The following ZNF423 variants were observed in gnomAD, a reference collection of about 807,000 sequenced individuals.
ZNF423 encodes Ebf-associated zinc finger protein.
Under a neutral mutation model 95.8 loss-of-function variants are expected in ZNF423, and 12 were observed. That is an observed-to-expected ratio of 0.13 (90% CI 0.08 to 0.20). The LOEUF is 0.20. Ranked by LOEUF, ZNF423 falls within the 10% of genes least tolerant of loss-of-function variation. ZNF423 has a pLI of 1.00. For synonymous variants in ZNF423, 749 were observed against 711.9 expected, an observed-to-expected ratio of 1.05 and a Z score of -0.83; for missense variants, 1,316 against 1,737.1, an observed-to-expected ratio of 0.76 and a Z score of 4.31.
At chr16:49,817,203 G>A (rs1040700502) in intron 1 of ZNF423, among the ~76,000 whole-genome samples, 7 of 152,226 alleles carry the variant, frequency 4.6e-5, no homozygotes, top group Non-Finnish European at 1.0e-4. Flanking sequence ...CGTCCTAGAG[G>A]GAGGGCCTTG....
At chr16:49,521,982 G>C (rs1375904913) in intron 7 of ZNF423, among the ~76,000 whole-genome samples, 1 of 152,240 alleles carries the variant, frequency 6.6e-6, no homozygotes, top group Admixed American at 6.5e-5. Context: ...TAAGAAGGGG[G>C]CCCCCTACAA....
At chr16:49,798,722 AATTTTGGCAATGCTTG>A (rs1201121890) in intron 1 of ZNF423, among the ~76,000 whole-genome samples, 1 of 152,222 alleles carries the variant, frequency 6.6e-6, no homozygotes, top group Non-Finnish European at 1.5e-5. Context: ...TATAACAGGC[AATTTTGGCAATGCTTG>A]ACTTTCTCCT....
chr16:49,706,155 GCCA>G (rs1875913432), intron 3 of ZNF423, among the ~76,000 whole-genome samples: 1 of 152,126 alleles, frequency 6.6e-6, no homozygotes, highest in African/African-American at 2.4e-5. Context: ...ACCACAAATG[GCCA>G]CCCTAGGAAA....
At chr16:49,508,126 G>A (rs12926543) in intron 7 of ZNF423, among the ~76,000 whole-genome samples, 63,167 of 151,856 alleles carry the variant, frequency 0.42, 13,662 homozygotes, top group African/African-American at 0.54. Context: ...GCATTGTGAG[G>A]ATCAAATGTT....
At chr16:49,686,285 C>G (rs181812279) in intron 3 of ZNF423, among the ~76,000 whole-genome samples, 1 of 152,136 alleles carries the variant, frequency 6.6e-6, no homozygotes, top group African/African-American at 2.4e-5. Flanking sequence ...GCTTGAGTCT[C>G]GGGTAGGCAG....
chr16:49,701,549 C>G (rs550756632), intron 3 of ZNF423, among the ~76,000 whole-genome samples: 3 of 152,042 alleles, frequency 2.0e-5, no homozygotes, highest in Non-Finnish European at 4.4e-5. Flanking sequence ...GAGACGGCAG[C>G]GCGCTACAGG....
At chr16:49,539,229 G>A (rs16947573) in intron 5 of ZNF423, among the ~76,000 whole-genome samples, 3,643 of 152,206 alleles carry the variant, frequency 0.024, 77 homozygotes, top group Admixed American at 0.05. Context: ...CCAAATGCAG[G>A]AACCCAGACA....
chr16:49,795,643 A>C (rs965252210), intron 1 of ZNF423, among the ~76,000 whole-genome samples: 3 of 152,014 alleles, frequency 2.0e-5, no homozygotes, highest in Admixed American at 6.5e-5. Context: ...AAAACACTTC[A>C]CCGGACAGGG....
At chr16:49,730,632 C>T (rs2033140506) in intron 3 of ZNF423, 139 bp downstream of exon 3, 5 of 903,364 alleles carry the variant, frequency 5.5e-6, no homozygotes, top group African/African-American at 1.7e-5. Context: ...ATACAGGGTA[C>T]CCAAGACACC....
chr16:49,731,044 C>T, intron 2 of ZNF423, 73 bp from the exon 3 acceptor site: 1 of 1,522,662 alleles, frequency 6.6e-7, no homozygotes. Context: ...AATCGCCCGG[C>T]ATTTATTAAG....
intron 2 of ZNF423, among the ~76,000 whole-genome samples, chr16:49,738,487 G>A (rs990989683): frequency 9.9e-5 from 15 of 152,076 alleles, no homozygotes; most frequent in African/African-American, 3.4e-4. Flanking sequence ...TCTCATGAAC[G>A]CCATCCTCTC....
chr16:49,846,901 G>A (rs2035252198), intron 1 of ZNF423: 1 of 152,362 alleles, frequency 6.6e-6, no homozygotes, highest in African/African-American at 2.4e-5. Context: ...CAGTCTTCCA[G>A]CCTGAATGTG....
rs576910827 is a variant in ZNF423 at position 49,855,643 on chromosome 16, C to T, written c.40+92G>A. ...TCCTCTCGGCTCGCTCGCGCGGGTC[C>T]CCGGCAGCCAGCCCGCTCGCCGGTC... On this transcript the variant is annotated intron_variant, in intron 1 of 7. Coordinates refer to ENST00000563137, the MANE Select transcript of ZNF423 (RefSeq NM_001379286.1). The surrounding 1 kb of genome is among the most constrained non-coding windows in gnomAD (Gnocchi z 4.7). 3.2e-3 allele frequency: 521 copies of T among 164,858 alleles called. 3 individuals carry two copies. Among genetic ancestry groups the T allele is most frequent in the African/African-American group, 0.012 (499 of 41,604 alleles). The allele number at this position is 164,858 out of a possible 1,614,324, so 10.2% of individuals were successfully genotyped here.
chr16:49,792,018 A>G (rs72780379), intron 1 of ZNF423, among the ~76,000 whole-genome samples: 139 of 138,300 alleles, frequency 1.0e-3, no homozygotes, highest in South Asian at 4.7e-3. Context: ...AAAAAAAAAA[A>G]AAAGAAAGAA....
At chr16:49,721,126 C>T (rs1173058918) in intron 3 of ZNF423, among the ~76,000 whole-genome samples, 2 of 152,148 alleles carry the variant, frequency 1.3e-5, no homozygotes, top group African/African-American at 4.8e-5. Flanking sequence ...CCTGGAGGAC[C>T]AAGCTTGAGG....
chr16:49,834,846 A>T (rs1208069858), intron 1 of ZNF423, among the ~76,000 whole-genome samples: 1 of 151,838 alleles, frequency 6.6e-6, no homozygotes, highest in Non-Finnish European at 1.5e-5. Context: ...TCCCCCAGCA[A>T]CAGGGGACTA....
chr16:49,658,081 C>T (rs1269151217), intron 3 of ZNF423, among the ~76,000 whole-genome samples: 1 of 152,194 alleles, frequency 6.6e-6, no homozygotes, highest in East Asian at 1.9e-4. Flanking sequence ...TTTTGTAATG[C>T]CCATTAAAAT....
At chr16:49,519,030 C>T (rs1968277151) in intron 7 of ZNF423, among the ~76,000 whole-genome samples, 2 of 152,216 alleles carry the variant, frequency 1.3e-5, no homozygotes, top group Admixed American at 6.5e-5. Context: ...CACTCCTGCA[C>T]TCCAGCCTGG....
At chr16:49,745,995 G>A (rs914412405) in intron 2 of ZNF423, among the ~76,000 whole-genome samples, 2 of 152,106 alleles carry the variant, frequency 1.3e-5, no homozygotes, top group Non-Finnish European at 2.9e-5. Flanking sequence ...ACCCTAAAAT[G>A]AGGACAGGTG....
Sources: allele counts gnomAD v4.1 joint callset (sites outside exome capture counted in the v4.1 genomes callset), GRCh38; gene constraint gnomAD v4.1.1; non-coding constraint Gnocchi (gnomAD v3.1); transcripts MANE v1.5; gene names NCBI Gene and HGNC (gene_info 2026-07-23, HGNC 2026-07-21).